NKAIN2: variants seen among roughly 807,000 people sequenced by gnomAD.
NKAIN2 encodes sodium/potassium transporting ATPase interacting 2.
A neutral mutation model predicts 32.6 loss-of-function variants in NKAIN2; 14 were observed. That is an observed-to-expected ratio of 0.43 (90% confidence interval 0.28 to 0.67). NKAIN2 has a LOEUF of 0.67. Among genes scored for constraint, NKAIN2 ranks in the 30% least tolerant of loss-of-function variants. The pLI is 0.17. For missense variants in NKAIN2, 198 were observed against 258.3 expected (o/e 0.77, Z 1.60); for synonymous variants, 80 against 87.2 (o/e 0.92, Z 0.46).
chr6:124,583,880 C>T (rs1781612877), intron 3 of NKAIN2, among the ~76,000 whole-genome samples: 2 of 152,130 alleles, frequency 1.3e-5, no homozygotes, highest in African/African-American at 4.8e-5. Context: ...GTGCCAAGAA[C>T]ATACATTGAA....
At chr6:123,832,266 A>C (rs75196875) in intron 1 of NKAIN2, among the ~76,000 whole-genome samples, 1 of 152,148 alleles carries the variant, frequency 6.6e-6, no homozygotes, top group African/African-American at 2.4e-5. Flanking sequence ...ACTTAATAAT[A>C]CGCATTTAAA....
chr6:124,187,179 CT>C (rs1273080633), intron 1 of NKAIN2, among the ~76,000 whole-genome samples: 1 of 152,108 alleles, frequency 6.6e-6, no homozygotes, highest in Non-Finnish European at 1.5e-5. Context: ...GTAGCCCTAG[CT>C]TTACCTAATG....
chr6:124,744,550 A>G (rs1204288468), intron 4 of NKAIN2, among the ~76,000 whole-genome samples: 1 of 151,654 alleles, frequency 6.6e-6, no homozygotes, highest in Non-Finnish European at 1.5e-5. Flanking sequence ...GAGGCGGGGT[A>G]GGGCGAGATC....
At chr6:124,317,845 T>C (rs1157503479) in intron 2 of NKAIN2, among the ~76,000 whole-genome samples, 1 of 152,212 alleles carries the variant, frequency 6.6e-6, no homozygotes, top group East Asian at 1.9e-4. Flanking sequence ...GTATTCAATA[T>C]ATTTATAATA....
chr6:123,917,811 G>A (rs906510699), intron 1 of NKAIN2, among the ~76,000 whole-genome samples: 3 of 152,034 alleles, frequency 2.0e-5, no homozygotes, highest in Admixed American at 2.0e-4. Context: ...CTAATACCAA[G>A]TGAATTAAGT....
Position 124,407,644 on chromosome 6 carries a change from C to G in NKAIN2, c.273+52297C>G, listed in dbSNP as rs928022224. The stretch of plus-strand genomic sequence containing the variant: ...AAGTCTTTGCTATTGTGACTAGTGC[C>G]GCAATAAACATACGTGTGCATGTGT... On this transcript the variant is annotated intron_variant, in intron 3 of 6. Coordinates refer to ENST00000368417, the MANE Select transcript of NKAIN2 (RefSeq NM_001040214.3). 4.6e-5 allele frequency among the ~76,000 whole-genome samples: 7 copies of G among 151,900 alleles called. No homozygotes were observed. The East Asian group carries it at 1.4e-3, about 29-fold the overall frequency.
chr6:123,853,676 A>G (rs1775443163), intron 1 of NKAIN2, among the ~76,000 whole-genome samples: 1 of 152,150 alleles, frequency 6.6e-6, no homozygotes, highest in African/African-American at 2.4e-5. Context: ...AAAAGGGGGG[A>G]TGATATAGAA....
intron 1 of NKAIN2, among the ~76,000 whole-genome samples, chr6:123,947,307 A>G (rs1272944399): frequency 6.6e-6 from 1 of 152,180 alleles, no homozygotes; most frequent in Non-Finnish European, 1.5e-5. Context: ...TAACCTGAAC[A>G]TATGTTTCCT....
intron 1 of NKAIN2, among the ~76,000 whole-genome samples, chr6:124,097,544 G>C (rs1396142144): frequency 6.6e-6 from 1 of 152,150 alleles, no homozygotes; most frequent in African/African-American, 2.4e-5. Flanking sequence ...CTATTTGCTA[G>C]AGTTTGGGTT....
At chr6:123,890,320 C>T (rs1368780451) in intron 1 of NKAIN2, among the ~76,000 whole-genome samples, 1 of 151,716 alleles carries the variant, frequency 6.6e-6, no homozygotes, top group Non-Finnish European at 1.5e-5. Context: ...AAAACTAGGA[C>T]AGCACATTCT....
intron 4 of NKAIN2, among the ~76,000 whole-genome samples, chr6:124,689,834 A>G (rs1440670526): frequency 6.6e-6 from 1 of 152,106 alleles, no homozygotes; most frequent in African/African-American, 2.4e-5. Flanking sequence ...CTAATCTTTC[A>G]CTAGTACCAC....
At chr6:124,328,685 A>C (rs1797522301) in intron 2 of NKAIN2, among the ~76,000 whole-genome samples, 1 of 152,222 alleles carries the variant, frequency 6.6e-6, no homozygotes, top group South Asian at 2.1e-4. Context: ...ATATATGCCC[A>C]AAACTGAGCA....
At chr6:123,922,152 C>T (rs1411119697) in intron 1 of NKAIN2, among the ~76,000 whole-genome samples, 3 of 152,054 alleles carry the variant, frequency 2.0e-5, no homozygotes, top group Admixed American at 6.6e-5. Flanking sequence ...TCAGAAGAGT[C>T]GTTATTCAAA....
chr6:124,081,022 G>A lies in NKAIN2; in HGVS notation c.55-201983G>A, dbSNP rs576235408. Among the ~76,000 whole-genome samples the A allele has an allele frequency of 1.5e-4, 23 of 152,020 alleles. No individual in the cohort carries two copies. The East Asian group carries it at 4.5e-3, about 29-fold the overall frequency. Reference sequence around the variant, plus strand: ...GTTTCAAACATTTATTTATTCATTGGCATATGAAGGTATAGATAACATAAA... The same window carrying A: ...GTTTCAAACATTTATTTATTCATTGACATATGAAGGTATAGATAACATAAA... On this transcript the variant is annotated intron_variant, in intron 1 of 6. Coordinates refer to ENST00000368417, the MANE Select transcript of NKAIN2 (RefSeq NM_001040214.3).
chr6:124,626,108 A>C (rs1242052699), intron 3 of NKAIN2, among the ~76,000 whole-genome samples: 27 of 87,456 alleles, frequency 3.1e-4, no homozygotes, highest in Non-Finnish European at 5.0e-4. Context: ...CACACCCCAC[A>C]ACAGTCCCCA....
chr6:124,689,979 C>T (rs573013927), intron 4 of NKAIN2, among the ~76,000 whole-genome samples: 1 of 152,090 alleles, frequency 6.6e-6, no homozygotes. Flanking sequence ...TGTTTGTTGA[C>T]ATTCACAAAA....
chr6:123,853,135 C>T (rs1775419501), intron 1 of NKAIN2, among the ~76,000 whole-genome samples: 1 of 152,062 alleles, frequency 6.6e-6, no homozygotes, highest in Admixed American at 6.5e-5. Flanking sequence ...ATGTGAAGAG[C>T]AAGAATCTTT....
chr6:124,426,446 T>C (rs1479168113), intron 3 of NKAIN2, among the ~76,000 whole-genome samples: 1 of 152,148 alleles, frequency 6.6e-6, no homozygotes, highest in Non-Finnish European at 1.5e-5. Context: ...GGTAAGTTAC[T>C]TGTATCCAGA....
At chr6:123,955,400 C>T (rs1777525335) in intron 1 of NKAIN2, among the ~76,000 whole-genome samples, 2 of 151,700 alleles carry the variant, frequency 1.3e-5, no homozygotes, top group African/African-American at 4.8e-5. Context: ...TATAGTCACT[C>T]TAATCTTTAA....
Sources: allele counts gnomAD v4.1 joint callset (sites outside exome capture counted in the v4.1 genomes callset), GRCh38; gene constraint gnomAD v4.1.1; transcripts MANE v1.5; gene names NCBI Gene and HGNC (gene_info 2026-07-23, HGNC 2026-07-21).